BICD1: variants seen among roughly 807,000 people sequenced by gnomAD.
The protein encoded by BICD1 is protein bicaudal D homolog 1.
BICD1 carries 35 observed loss-of-function variants against 92.5 expected under a neutral mutation model. The observed-to-expected ratio is 0.38, with a 90% CI of 0.29 to 0.50. The LOEUF is 0.50. Among genes scored for constraint, BICD1 ranks in the 20% least tolerant of loss-of-function variants. The pLI, the probability that BICD1 is intolerant of heterozygous loss-of-function variation, is 0.93. For synonymous variants in BICD1, 429 were observed against 465.1 expected (o/e 0.92, Z 1.00); for missense variants, 950 against 1,189.8 (o/e 0.80, Z 2.97).
At chr12:32,221,571 G>A (rs1228598888) in intron 2 of BICD1, among the ~76,000 whole-genome samples, 1 of 151,510 alleles carries the variant, frequency 6.6e-6, no homozygotes, top group African/African-American at 2.4e-5. Flanking sequence ...GTCCCTAGAT[G>A]CTTGGGAGTT....
chr12:32,375,373 A>C (rs927369680), intron 9 of BICD1, among the ~76,000 whole-genome samples: 2 of 152,112 alleles, frequency 1.3e-5, no homozygotes, highest in African/African-American at 4.8e-5. Flanking sequence ...TACTAAAAAT[A>C]CAAAAAATTA....
chr12:32,164,983 A>G (rs1455261273), intron 1 of BICD1, among the ~76,000 whole-genome samples: 1 of 152,170 alleles, frequency 6.6e-6, no homozygotes, highest in Non-Finnish European at 1.5e-5. Flanking sequence ...ACACTGCCCT[A>G]ATTAGCTGAC....
chr12:32,361,244 T>C (rs1285129598), intron 8 of BICD1, among the ~76,000 whole-genome samples: 1 of 152,060 alleles, frequency 6.6e-6, no homozygotes, highest in Admixed American at 6.6e-5. Flanking sequence ...GTGAGGGAAA[T>C]TGACATCACG....
chr12:32,328,635 G>C lies in BICD1; in HGVS notation c.2100+80G>C. On this transcript the variant is annotated intron_variant, in intron 5 of 9. Transcript: ENST00000652176. This position sits in a 1 kb window ranked among gnomAD's most constrained non-coding sequence, Gnocchi z 4.4. ...ATTCCCTAATTTTATTGAGTATCGAGTATCGTCAAGATGAGAGTTCAGATT... is the reference window on the plus strand; with the variant it reads ...ATTCCCTAATTTTATTGAGTATCGACTATCGTCAAGATGAGAGTTCAGATT... The C allele has an allele frequency of 6.6e-7, 1 of 1,514,962 alleles. No homozygotes were observed. 93.8% of individuals were successfully genotyped at this position (1,514,962 alleles called of 1,614,324 possible).
At chr12:32,193,774 G>A (rs958072632) in intron 1 of BICD1, among the ~76,000 whole-genome samples, 4 of 152,120 alleles carry the variant, frequency 2.6e-5, no homozygotes, top group Non-Finnish European at 4.4e-5. Flanking sequence ...TCTACTATGC[G>A]TTTAAATAAG....
chr12:32,112,216 G>A (rs1184687168), intron 1 of BICD1, among the ~76,000 whole-genome samples: 2 of 152,028 alleles, frequency 1.3e-5, no homozygotes, highest in Non-Finnish European at 1.5e-5. Context: ...ATGTTGGTGA[G>A]GTTGGTCTTG....
chr12:32,262,102 T>C (rs912680140), intron 2 of BICD1, among the ~76,000 whole-genome samples: 1 of 152,252 alleles, frequency 6.6e-6, no homozygotes, highest in African/African-American at 2.4e-5. Flanking sequence ...ATATGCTTTA[T>C]GTGCATTACC....
chr12:32,320,066 T>A (rs1036214510), intron 4 of BICD1, among the ~76,000 whole-genome samples: 2 of 152,232 alleles, frequency 1.3e-5, no homozygotes, highest in Non-Finnish European at 2.9e-5. Context: ...CATAGAATTA[T>A]CTTTTGTTGG....
chr12:32,194,569 T>A (rs1362136604), intron 1 of BICD1, among the ~76,000 whole-genome samples: 1 of 152,148 alleles, frequency 6.6e-6, no homozygotes, highest in East Asian at 1.9e-4. Flanking sequence ...AAAACAATCC[T>A]ATTTACAATA....
chr12:32,191,094 AAG>A (rs2121530389), intron 1 of BICD1, among the ~76,000 whole-genome samples: 1 of 152,332 alleles, frequency 6.6e-6, no homozygotes, highest in East Asian at 1.9e-4. Context: ...AAGCAATTCT[AAG>A]AGGGAAGTTT....
intron 1 of BICD1, among the ~76,000 whole-genome samples, chr12:32,185,812 C>A (rs1944410032): frequency 6.6e-6 from 1 of 152,186 alleles, no homozygotes; most frequent in South Asian, 2.1e-4. Flanking sequence ...GTGATGAGGT[C>A]CAGATGATGG....
At chr12:32,285,455 AAG>A (rs1947537284) in intron 2 of BICD1, among the ~76,000 whole-genome samples, 1 of 152,200 alleles carries the variant, frequency 6.6e-6, no homozygotes, top group Non-Finnish European at 1.5e-5. Flanking sequence ...ATAAAAGACT[AAG>A]AGCATTAAAA....
rs1301842420 is a variant in BICD1 at position 32,328,569 on chromosome 12, A to G, written c.2100+14A>G. ...GCCAACAAGCAGGTAATCTCATTCT[A>G]CTGGTGAAAGCATGCCAGTCAAAGC... On this transcript the variant is annotated intron_variant, in intron 5 of 9. Coordinates refer to ENST00000652176, the MANE Select transcript of BICD1 (RefSeq NM_001714.4). The surrounding 1 kb of genome is among the most constrained non-coding windows in gnomAD (Gnocchi z 4.4). 3.7e-6 allele frequency: 6 copies of G among 1,602,716 alleles called. No homozygotes were observed. Among genetic ancestry groups the G allele is most frequent in the South Asian group, 1.1e-5 (1 of 89,900 alleles).
At chr12:32,212,224 T>C (rs1026915549) in intron 1 of BICD1, among the ~76,000 whole-genome samples, 3 of 152,234 alleles carry the variant, frequency 2.0e-5, no homozygotes, top group African/African-American at 7.2e-5. Context: ...TTTTTGTTTT[T>C]GTTTTAATTT....
At chr12:32,296,439 A>G (rs565889280) in intron 3 of BICD1, among the ~76,000 whole-genome samples, 2 of 151,452 alleles carry the variant, frequency 1.3e-5, no homozygotes, top group African/African-American at 4.8e-5. Flanking sequence ...TTATATTTTT[A>G]GTAGAGATGG....
At chr12:32,158,184 C>G (rs1461148709) in intron 1 of BICD1, among the ~76,000 whole-genome samples, 1 of 150,128 alleles carries the variant, frequency 6.7e-6, no homozygotes, top group Non-Finnish European at 1.5e-5. Context: ...CAGCTCGCTG[C>G]AACCTCCGCC....
At chr12:32,367,885 C>T (rs896056614) in intron 9 of BICD1, 140 bp downstream of exon 9, 11 of 734,618 alleles carry the variant, frequency 1.5e-5, no homozygotes, top group African/African-American at 1.2e-4. Flanking sequence ...CATAGACACA[C>T]ATTGGACACC....
intron 9 of BICD1, among the ~76,000 whole-genome samples, chr12:32,374,734 A>ATTTTTTTTTTTTTTTT (rs1179747608): frequency 7.5e-5 from 6 of 80,122 alleles, no homozygotes; most frequent in Non-Finnish European, 6.6e-5. Flanking sequence ...CGCCCGGCTA[A>ATTTTTTTTTTTTTTTT]TTTTTTTTTT....
chr12:32,274,173 T>A (rs1947218389), intron 2 of BICD1, among the ~76,000 whole-genome samples: 1 of 152,206 alleles, frequency 6.6e-6, no homozygotes, highest in South Asian at 2.1e-4. Context: ...TTGATCACAT[T>A]TAACATATAG....
Sources: allele counts gnomAD v4.1 joint callset (sites outside exome capture counted in the v4.1 genomes callset), GRCh38; gene constraint gnomAD v4.1.1; non-coding constraint Gnocchi (gnomAD v3.1); transcripts MANE v1.5; gene names NCBI Gene and HGNC (gene_info 2026-07-23, HGNC 2026-07-21).